The following MRE11 variants were observed in gnomAD, a reference collection of about 807,000 sequenced individuals.
MRE11 encodes the protein double-strand break repair protein MRE11.
Under a neutral mutation model 91.7 loss-of-function variants are expected in MRE11, and 62 were observed. That is an observed-to-expected ratio of 0.68 (90% CI 0.55 to 0.84). The LOEUF is 0.84. MRE11 is among the 40% of genes least tolerant of loss of function. The pLI, the probability that MRE11 is intolerant of heterozygous loss-of-function variation, is 0.00. For missense variants in MRE11, 796 were observed against 852.9 expected (o/e 0.93, Z 0.83); for synonymous variants, 273 against 271.4 (o/e 1.01, Z -0.06).
rs751354326 is a variant in MRE11, at chr11:94,486,095, G to C, written c.154-11C>G. On this transcript the variant is annotated splice_polypyrimidine_tract_variant and intron_variant, in intron 3 of 19. Transcript: ENST00000323929. ...CAAAATAAAATCCACCTGATCAACAGAAAAAGGTGTTAAAATTAGTATGTT... is the reference window on the plus strand; with the variant it reads ...CAAAATAAAATCCACCTGATCAACACAAAAAGGTGTTAAAATTAGTATGTT... 1.1e-5 allele frequency: 18 copies of C among 1,612,608 alleles called. No homozygotes were observed. The South Asian group carries it at 1.7e-4, about 15-fold the overall frequency.
chr11:94,449,168 G>A (rs900980485), intron 14 of MRE11, among the ~76,000 whole-genome samples: 3 of 152,156 alleles, frequency 2.0e-5, no homozygotes, highest in Admixed American at 1.3e-4. Flanking sequence ...GAGGAGATGT[G>A]AACAAGGCAG....
At chr11:94,433,794 T>C (rs1184139076) in intron 18 of MRE11, among the ~76,000 whole-genome samples, 2 of 152,234 alleles carry the variant, frequency 1.3e-5, no homozygotes, top group African/African-American at 4.8e-5. Context: ...CTCGGGTATG[T>C]GTTTATCAGC....
Position 94,493,050 on chromosome 11 carries a change from C to CT in MRE11, c.-105-145dup, listed in dbSNP as rs529272099. 1.8e-3 allele frequency: 989 copies of CT among 554,762 alleles called. 7 individuals are homozygous for CT. The highest frequency in any genetic ancestry group is 0.016 in the African/African-American group (866 of 53,072). 34.4% of individuals were successfully genotyped at this position (554,762 alleles called of 1,614,324 possible). ...CATTTTCATCTAAGCACCCACTATA[C>CT]TTTTTTTTAATGAACTGAGCATAGA... is the stretch of plus-strand genomic sequence containing the variant. On this transcript the variant is annotated intron_variant, in intron 1 of 19. Transcript: ENST00000323929.
In MRE11 at chr11:94,460,918, T is replaced by G; in HGVS notation, c.1326+18A>C. On this transcript the variant is annotated intron_variant, in intron 12 of 19. Coordinates refer to ENST00000323929, the MANE Select transcript of MRE11 (RefSeq NM_005591.4). Reference sequence around the variant, plus strand: ...TATAAGGTAGCCATTATTCAAAATGTGAACTGTAAGAAATTACCTTCTCTG... The same window carrying G: ...TATAAGGTAGCCATTATTCAAAATGGGAACTGTAAGAAATTACCTTCTCTG... 1 of 1,590,140 alleles carries G rather than the reference T, an allele frequency of 6.3e-7. No homozygotes were observed.
chr11:94,487,839 G>C (rs1175977793), intron 3 of MRE11, among the ~76,000 whole-genome samples: 1 of 152,192 alleles, frequency 6.6e-6, no homozygotes, highest in Admixed American at 6.5e-5. Flanking sequence ...ACTTTTCTGT[G>C]AGACTGATGT....
the MRE11 span, among the ~76,000 whole-genome samples, chr11:94,507,024 T>C: frequency 6.6e-6 from 1 of 152,218 alleles, no homozygotes; most frequent in Admixed American, 6.5e-5. Context: ...AACTATAGCA[T>C]ACACAAAGTA....
chr11:94,499,879 A>G, the MRE11 span, among the ~76,000 whole-genome samples: 1 of 152,212 alleles, frequency 6.6e-6, no homozygotes, highest in South Asian at 2.1e-4. Flanking sequence ...ACTAAGTAAT[A>G]ATGTTATTTA....
intron 14 of MRE11, 63 bp downstream of exon 14, chr11:94,456,213 T>G: frequency 6.8e-7 from 1 of 1,479,528 alleles, no homozygotes; most frequent in South Asian, 1.1e-5. Context: ...TAACTAAACC[T>G]ACTGGTTATT....
chr11:94,435,863 T>A lies in MRE11; in HGVS notation c.1963A>T (p.Ile655Phe). 1 of 1,613,912 alleles carries A rather than the reference T, an allele frequency of 6.2e-7. No homozygotes were observed. The highest frequency in any genetic ancestry group is 1.1e-5 in the South Asian group (1 of 91,082). ...TCTGTCTTTGAAGTGGTAGGAAAAA[T>A]GTCTTCTTCCACATCTGATTCATCT... ...EVDESDVEED[I>F]FPTTSKTDQR... The change falls in exon 18 of 20, where the codon ATT becomes TTT. Residue 655 changes from isoleucine to phenylalanine, a missense_variant. Coordinates refer to ENST00000323929, the MANE Select transcript of MRE11 (RefSeq NM_005591.4).
At chr11:94,494,267 G>A (rs1159959347), upstream of MRE11, 1 of 152,308 alleles carries the variant, frequency 6.6e-6, no homozygotes. Context: ...GAGTGCCGGA[G>A]CTGGATCCCC....
chr11:94,434,088 T>C (rs1945534987), intron 18 of MRE11, among the ~76,000 whole-genome samples: 1 of 152,168 alleles, frequency 6.6e-6, no homozygotes, highest in Non-Finnish European at 1.5e-5. Context: ...GCACGTCCCT[T>C]AGGTTTCATT....
chr11:94,430,577 T>C (rs940363563), intron 18 of MRE11, among the ~76,000 whole-genome samples: 1 of 151,856 alleles, frequency 6.6e-6, no homozygotes, highest in Non-Finnish European at 1.5e-5. Context: ...ACCTCCCAGT[T>C]CAAGCGATTC....
At chr11:94,442,393 AG>A (rs1255219330) in intron 16 of MRE11, among the ~76,000 whole-genome samples, 4 of 152,210 alleles carry the variant, frequency 2.6e-5, no homozygotes, top group African/African-American at 9.6e-5. Context: ...ACTCATTTTA[AG>A]TGATGAATTC....
rs558672373 is a variant in MRE11, at chr11:94,493,143, T to C, written c.-105-237A>G. Among the ~76,000 whole-genome samples, 10 of 152,298 alleles carry C rather than the reference T, an allele frequency of 6.6e-5. No homozygotes were observed. In the East Asian group the frequency reaches 1.7e-3, roughly 26 times the overall value. On this transcript the variant is annotated intron_variant, in intron 1 of 19. Transcript: ENST00000323929. ...CAAGATGATTAAACTCCTATTTTCC[T>C]TTCCCGTGCTCTTATGGGAAATTAA...
intron 7 of MRE11, among the ~76,000 whole-genome samples, chr11:94,475,793 A>G (rs925968812): frequency 2.0e-5 from 3 of 152,204 alleles, no homozygotes; most frequent in Non-Finnish European, 2.9e-5. Flanking sequence ...GAGGCAAAGC[A>G]TAACTGTACA....
intron 4 of MRE11, among the ~76,000 whole-genome samples, chr11:94,481,278 C>T (rs1325389041): frequency 6.6e-6 from 1 of 151,526 alleles, no homozygotes; most frequent in Admixed American, 6.6e-5. Flanking sequence ...CACTGCTCTC[C>T]AACCTGGGCG....
chr11:94,497,953 A>G, upstream of MRE11: 1 of 720,676 alleles, frequency 1.4e-6, no homozygotes, highest in Non-Finnish European at 2.2e-6. Context: ...TTTTAAAGTC[A>G]TCTACTAACA....
At chr11:94,430,271 TAA>T (rs1945429226) in intron 18 of MRE11, among the ~76,000 whole-genome samples, 1 of 152,188 alleles carries the variant, frequency 6.6e-6, no homozygotes, top group African/African-American at 2.4e-5. Flanking sequence ...AATGGTTTTA[TAA>T]AGACTAAATG....
upstream of MRE11, among the ~76,000 whole-genome samples, chr11:94,494,780 GA>G (rs1462095457): frequency 6.6e-6 from 1 of 152,120 alleles, no homozygotes; most frequent in Non-Finnish European, 1.5e-5. Context: ...AGTTTTTATT[GA>G]AAGGAAAAGC....
Sources: gnomAD v4.1 joint callset for allele counts (sites outside exome capture counted in the v4.1 genomes callset) on GRCh38, gnomAD v4.1.1 for gene constraint, MANE v1.5 for transcripts, NCBI Gene and HGNC (gene_info 2026-07-23, HGNC 2026-07-21) for gene names.